The following ZNF28 variants were observed in gnomAD, a reference collection of about 807,000 sequenced individuals.
The protein encoded by ZNF28 is zinc finger protein 28.
Under a neutral mutation model 7.2 loss-of-function variants are expected in ZNF28, and 5 were observed. The observed-to-expected ratio is 0.70, with a 90% CI of 0.36 to 1.46. The LOEUF is 1.46. Ranked by LOEUF, ZNF28 falls within the 40% of genes most tolerant of loss-of-function variation. The pLI is 0.03. For missense variants in ZNF28, 879 were observed against 866.6 expected, an observed-to-expected ratio of 1.01 and a Z score of -0.18; for synonymous variants, 288 against 292.4, an observed-to-expected ratio of 0.99 and a Z score of 0.15.
intron 2 of ZNF28, chr19:52,810,660 C>T (rs934818167): frequency 5.6e-6 from 6 of 1,078,928 alleles, no homozygotes; most frequent in East Asian, 4.7e-5. Flanking sequence ...TCTGGGGTCG[C>T]GTCTACAGGG....
rs1191948508 is a variant in ZNF28 at position 52,798,412 on chromosome 19, GC to G, written c.*1275del. 5.0e-6 allele frequency: 2 copies of G among 397,074 alleles called. No individual in the cohort carries two copies. Among genetic ancestry groups the G allele is most frequent in the Non-Finnish European group, 1.0e-5 (2 of 200,512 alleles). 24.6% of individuals were successfully genotyped at this position (397,074 alleles called of 1,614,324 possible). ...CTGTAATGTCAATTAATGCTTGATGGCTTGCTATACTAATGGCATTTGAAAC... is the reference window on the plus strand; with the variant it reads ...CTGTAATGTCAATTAATGCTTGATGGTTGCTATACTAATGGCATTTGAAAC... On this transcript the variant is annotated 3_prime_UTR_variant, in exon 4 of 4. Transcript: ENST00000457749.
intron 2 of ZNF28, among the ~76,000 whole-genome samples, chr19:52,817,196 A>C (rs1315111862): frequency 2.6e-5 from 4 of 152,072 alleles, no homozygotes; most frequent in African/African-American, 9.7e-5. Flanking sequence ...AACATGGAGA[A>C]ACCTCGTCTC....
chr19:52,812,886 T>C (rs1896514318), intron 2 of ZNF28, among the ~76,000 whole-genome samples: 1 of 150,948 alleles, frequency 6.6e-6, no homozygotes. Context: ...GTTTTAAGGC[T>C]ACTTAAAAGG....
rs1278200847 is a variant in ZNF28, at chr19:52,818,108, G to C, written c.-73-77C>G. 5.8e-6 allele frequency: 8 copies of C among 1,376,802 alleles called. No individual in the cohort carries two copies. The South Asian group carries it at 9.3e-5, about 16-fold the overall frequency. The allele number at this position is 1,376,802 out of a possible 1,614,324, so 85.3% of individuals were successfully genotyped here. ...CTGTAACACAACAACACATACAAAG[G>C]AGACTTCACCTTGAGGAAATATGGT... On this transcript the variant is annotated intron_variant, in intron 1 of 3. Coordinates refer to ENST00000457749, the MANE Select transcript of ZNF28 (RefSeq NM_006969.5).
chr19:52,813,482 G>A (rs1239070835), intron 2 of ZNF28, among the ~76,000 whole-genome samples: 7 of 121,168 alleles, frequency 5.8e-5, no homozygotes, highest in Non-Finnish European at 1.1e-4. Context: ...GCGGGCGGGG[G>A]TGGTAGGAGG....
Position 52,814,997 on chromosome 19 carries a change from G to A in ZNF28, c.15+2947C>T, listed in dbSNP as rs986136398. On this transcript the variant is annotated intron_variant, in intron 2 of 3. Coordinates refer to ENST00000457749, the MANE Select transcript of ZNF28 (RefSeq NM_006969.5). ...TTCAAAGACTCACAAGAAATTAGAT[G>A]TTAATAACAAAGTGGTCATTTTCCC... 2.2e-4 allele frequency among the ~76,000 whole-genome samples: 32 copies of A among 145,680 alleles called. 6 individuals are homozygous for A. The highest frequency in any genetic ancestry group is 8.3e-4 in the African/African-American group (31 of 37,406).
intron 3 of ZNF28, chr19:52,805,508 T>C (rs2062925855): frequency 6.6e-6 from 1 of 151,730 alleles, no homozygotes. Flanking sequence ...ACACTTGTAG[T>C]TGCAGCTACT....
intron 3 of ZNF28, among the ~76,000 whole-genome samples, chr19:52,804,861 T>G (rs2062916715): frequency 1.3e-5 from 2 of 152,180 alleles, no homozygotes; most frequent in South Asian, 4.1e-4. Flanking sequence ...AAAGAGCATC[T>G]CATCATCAAC....
rs539039765 is a variant in ZNF28, at chr19:52,818,186, C to T, written c.-73-155G>A. ...CAAAAAATTCCTACAGGAAAACTCC[C>T]ACTCTACTCCTGGAGAAGCCCACAC... On this transcript the variant is annotated intron_variant, in intron 1 of 3. Transcript: ENST00000457749. Among the ~76,000 whole-genome samples the T allele has an allele frequency of 8.5e-5, 13 of 152,324 alleles. No individual in the cohort carries two copies. The South Asian group carries it at 2.7e-3, about 32-fold the overall frequency.
intron 2 of ZNF28, among the ~76,000 whole-genome samples, chr19:52,812,300 A>G (rs1801165681): frequency 7.1e-6 from 1 of 141,110 alleles, no homozygotes; most frequent in Non-Finnish European, 1.5e-5. Flanking sequence ...CCATGATGAC[A>G]ATGGCGGTTT....
chr19:52,797,426 A>C lies in ZNF28; in HGVS notation c.*2262T>G, dbSNP rs1000023557. The C allele has an allele frequency of 6.6e-6, 1 of 152,266 alleles. No individual in the cohort carries two copies. Among genetic ancestry groups the C allele is most frequent in the Non-Finnish European group, 1.5e-5 (1 of 68,048 alleles). 9.4% of individuals were successfully genotyped at this position (152,266 alleles called of 1,614,324 possible). A position where few individuals can be genotyped will look rare whatever the true frequency, so the allele number is the denominator to read the frequency against. On this transcript the variant is annotated 3_prime_UTR_variant, in exon 4 of 4. Coordinates refer to ENST00000457749, the MANE Select transcript of ZNF28 (RefSeq NM_006969.5). ...ATCCAAATCAGAAAGAAAGAAGTCA[A>C]ATTTTATTTGTTTGTAGATGACATG... is the stretch of plus-strand genomic sequence containing the variant.
At chr19:52,805,917 T>G (rs1600438262) in intron 3 of ZNF28, 1 of 151,634 alleles carries the variant, frequency 6.6e-6, no homozygotes, top group Non-Finnish European at 1.5e-5. Flanking sequence ...GAGGCAGAGG[T>G]TGCAGTGAGC....
intron 1 of ZNF28, among the ~76,000 whole-genome samples, chr19:52,819,354 G>T (rs188199747): frequency 2.7e-5 from 4 of 145,534 alleles, no homozygotes; most frequent in Admixed American, 7.0e-5. Context: ...TCCGAAGATG[G>T]TCTCTCTTTC....
intron 3 of ZNF28, among the ~76,000 whole-genome samples, chr19:52,807,607 T>TG (rs2062952568): frequency 6.6e-6 from 1 of 152,190 alleles, no homozygotes; most frequent in Non-Finnish European, 1.5e-5. Flanking sequence ...CTCTAGGAGC[T>TG]GGGATTACAC....
At chr19:52,808,629 CAA>C (rs373465619) in intron 2 of ZNF28, among the ~76,000 whole-genome samples, 1 of 122,222 alleles carries the variant, frequency 8.2e-6, no homozygotes, top group African/African-American at 3.0e-5. Flanking sequence ...AACTCCATCT[CAA>C]AAAAAAAAAA....
In ZNF28 at chr19:52,800,498, A is replaced by AT. The variant is rs1380463287; in HGVS notation, c.1346dup (p.Asn449LysfsTer11). 1 of 1,613,626 alleles carries AT rather than the reference A, an allele frequency of 6.2e-7. No homozygotes were observed. ...GATGGCGTGCAAGAGTTGATTGTTG[A>AT]TTAAAAACCTTGCCACATTCATTAC... On this transcript the variant is annotated frameshift_variant, in exon 4 of 4. Transcript: ENST00000457749. LOFTEE classifies it low-confidence loss of function (END_TRUNC).
At chr19:52,810,466 G>C in intron 2 of ZNF28, 1 of 1,592,984 alleles carries the variant, frequency 6.3e-7, no homozygotes, top group Non-Finnish European at 8.6e-7. Flanking sequence ...AAGAGTCAGT[G>C]AGGACTTCCT....
chr19:52,811,725 T>C (rs1434731385), intron 2 of ZNF28, among the ~76,000 whole-genome samples: 7 of 145,434 alleles, frequency 4.8e-5, no homozygotes, highest in African/African-American at 1.3e-4. Flanking sequence ...GTGAGGAGCG[T>C]CTCCGCCCGG....
intron 3 of ZNF28, among the ~76,000 whole-genome samples, chr19:52,803,160 A>C (rs1284685985): frequency 6.6e-6 from 1 of 152,132 alleles, no homozygotes; most frequent in Non-Finnish European, 1.5e-5. Context: ...GCTCAATGCA[A>C]CCTCTGCCTT....
Sources: allele counts gnomAD v4.1 joint callset (sites outside exome capture counted in the v4.1 genomes callset), GRCh38; gene constraint gnomAD v4.1.1; transcripts MANE v1.5; gene names NCBI Gene and HGNC (gene_info 2026-07-23, HGNC 2026-07-21).